UTP25: variants seen among roughly 807,000 people sequenced by gnomAD.
The protein encoded by UTP25 is U3 small nucleolar RNA-associated protein 25 homolog.
Under a neutral mutation model 78.9 loss-of-function variants are expected in UTP25, and 50 were observed. The ratio of observed to expected loss-of-function variants is 0.63; its 90% CI spans 0.50 to 0.80. UTP25 has a LOEUF of 0.80. Ranked by LOEUF, UTP25 falls within the 30% of genes least tolerant of loss-of-function variation. UTP25 has a pLI of 0.00. For missense variants in UTP25, 846 were observed against 911.3 expected (o/e 0.93, Z 0.92); for synonymous variants, 329 against 336.5 (o/e 0.98, Z 0.24).
At chr1:209,841,148 C>A (rs2078165140) in intron 8 of UTP25, 93 bp downstream of exon 8, 1 of 1,324,944 alleles carries the variant, frequency 7.5e-7, no homozygotes, top group Non-Finnish European at 1.1e-6. Context: ...TATTTAAGTC[C>A]AGATTAGAAC....
In UTP25 at chr1:209,843,541, C is replaced by A. The variant is rs781152020; in HGVS notation, c.1872C>A (p.Phe624Leu). 6.2e-7 allele frequency: 1 copy of A among 1,614,166 alleles called. No individual in the cohort carries two copies. The highest frequency in any genetic ancestry group is 1.3e-5 in the African/African-American group (1 of 75,050). Reference protein sequence around the residue: ...TLIYIPSYFDFVRLRNYFKKE... With the variant: ...TLIYIPSYFDLVRLRNYFKKE... ...TCTATATCCCCTCCTACTTTGACTTCGTGCGTCTTCGAAATTACTTCAAGA... is the reference window on the plus strand; with the variant it reads ...TCTATATCCCCTCCTACTTTGACTTAGTGCGTCTTCGAAATTACTTCAAGA... Residue 624 changes from phenylalanine to leucine, a missense_variant, in exon 11 of 12, where the codon TTC becomes TTA. Physicochemically the swap from Phe to Leu is conservative, Grantham distance 22 (BLOSUM62 0). Coordinates refer to ENST00000491415, the MANE Select transcript of UTP25 (RefSeq NM_014388.7).
intron 10 of UTP25, chr1:209,843,104 G>T (rs1346407470): frequency 5.6e-6 from 2 of 358,438 alleles, no homozygotes; most frequent in Admixed American, 9.0e-5. Context: ...GCTTAGTGAG[G>T]CTTAGTATAT....
At chr1:209,840,389 T>C (rs1034511116) in intron 7 of UTP25, among the ~76,000 whole-genome samples, 1 of 152,204 alleles carries the variant, frequency 6.6e-6, no homozygotes, top group African/African-American at 2.4e-5. Flanking sequence ...GTTGAAGTCA[T>C]GGAAACTATT....
intron 3 of UTP25, among the ~76,000 whole-genome samples, chr1:209,832,886 T>C (rs527828993): frequency 6.6e-6 from 1 of 152,168 alleles, no homozygotes; most frequent in South Asian, 2.1e-4. Context: ...CCTGTCTCAA[T>C]ATATAAATAA....
chr1:209,832,004 T>C (rs1238414009), intron 3 of UTP25, among the ~76,000 whole-genome samples: 4 of 150,710 alleles, frequency 2.7e-5, no homozygotes, highest in African/African-American at 9.7e-5. Flanking sequence ...TTTTTTTTTA[T>C]ACCTTCTGGT....
At position 209,851,619 on chromosome 1, in the gene UTP25, T is replaced by A; in HGVS notation, c.*172T>A. 1.2e-6 allele frequency: 1 copy of A among 842,300 alleles called. No individual in the cohort carries two copies. Among genetic ancestry groups the A allele is most frequent in the Non-Finnish European group, 1.7e-6 (1 of 597,996 alleles). The allele number at this position is 842,300 out of a possible 1,614,324, so 52.2% of individuals were successfully genotyped here. A position where few individuals can be genotyped will look rare whatever the true frequency, so the allele number is the denominator to read the frequency against. On this transcript the variant is annotated 3_prime_UTR_variant, in exon 12 of 12. Coordinates refer to ENST00000491415, the MANE Select transcript of UTP25 (RefSeq NM_014388.7). The stretch of plus-strand genomic sequence containing the variant: ...TTCAGGTCATGTGTCCCTGAAAAGT[T>A]AAATGTAAACCAGATTTTGGTAAAT...
chr1:209,848,522 A>G (rs368083299), intron 11 of UTP25, among the ~76,000 whole-genome samples: 8 of 152,262 alleles, frequency 5.3e-5, no homozygotes, highest in African/African-American at 1.7e-4. Flanking sequence ...ATCCATATGC[A>G]TATGTTTTGA....
chr1:209,843,097 T>A, intron 10 of UTP25: 1 of 344,890 alleles, frequency 2.9e-6, no homozygotes, highest in Admixed American at 4.6e-5. Flanking sequence ...CAAAGAAGCT[T>A]AGTGAGGCTT....
rs1305699248 is a variant in UTP25, at chr1:209,830,108, G to C, written c.108G>C (p.Arg36Ser). The change falls in exon 2 of 12, where the codon AGG becomes AGC. Residue 36 changes from arginine (R) to serine (S), a missense_variant and splice_region_variant. Physicochemically the swap from Arg to Ser is moderately radical, Grantham distance 110. Coordinates refer to ENST00000491415, the MANE Select transcript of UTP25 (RefSeq NM_014388.7). ...TGTAACATTGCCTGTTTCTTTTTAG[G>C]GTTTCCAGAAAGGAAGCAAAGCCAC... The part of the protein sequence containing the change: ...DFGEEHPFYD[R>S]VSRKEAKPQI... 1.2e-6 allele frequency: 2 copies of C among 1,610,790 alleles called. No homozygotes were observed. The highest frequency in any genetic ancestry group is 8.5e-7 in the Non-Finnish European group (1 of 1,178,096).
In UTP25 at chr1:209,852,852, A is replaced by G. The variant is rs1016883396; in HGVS notation, c.*1405A>G. ...CATTAATATCTAAATTTACTTTCAT[A>G]TCCATATATTGAAAACCATGAATTC... On this transcript the variant is annotated 3_prime_UTR_variant, in exon 12 of 12. Transcript: ENST00000491415. 6 of 152,164 alleles carry G rather than the reference A, an allele frequency of 3.9e-5. No homozygotes were observed. Among genetic ancestry groups the G allele is most frequent in the Admixed American group, 3.3e-4 (5 of 15,274 alleles). The allele number at this position is 152,164 out of a possible 1,614,324, so 9.4% of individuals were successfully genotyped here. A position where few individuals can be genotyped will look rare whatever the true frequency, so the allele number is the denominator to read the frequency against.
At chr1:209,849,024 C>T (rs927218362) in intron 11 of UTP25, among the ~76,000 whole-genome samples, 1 of 152,146 alleles carries the variant, frequency 6.6e-6, no homozygotes, top group Admixed American at 6.5e-5. Flanking sequence ...CCTGATTGCT[C>T]AGCTGTCACT....
Position 209,854,943 on chromosome 1 carries a change from G to A in UTP25, c.*3496G>A, listed in dbSNP as rs1469748897. 1 of 152,168 alleles carries A rather than the reference G, an allele frequency of 6.6e-6. No individual in the cohort carries two copies. Among genetic ancestry groups the A allele is most frequent in the African/African-American group, 2.4e-5 (1 of 41,434 alleles). The allele number at this position is 152,168 out of a possible 1,614,324, so 9.4% of individuals were successfully genotyped here. ...CCATCTTTTCTCTCAAAGGAGCATGGTAGTGATCTTCATTACCAAATTTCT... is the reference window on the plus strand; with the variant it reads ...CCATCTTTTCTCTCAAAGGAGCATGATAGTGATCTTCATTACCAAATTTCT... On this transcript the variant is annotated 3_prime_UTR_variant, in exon 12 of 12. Coordinates refer to ENST00000491415, the MANE Select transcript of UTP25 (RefSeq NM_014388.7).
At position 209,840,930 on chromosome 1, in the gene UTP25, G is replaced by A; in HGVS notation, c.1360G>A (p.Gly454Ser). The part of the protein sequence containing the change: ...SSDILIASPL[G>S]LRTIIGGEGE... ...GGATATCCTCATTGCTTCCCCCCTG[G>A]GCTTGAGGACCATCATTGGTGGAGA... The change falls in exon 8 of 12, where the codon GGC (glycine) becomes AGC (serine). Residue 454 changes from glycine (G) to serine (S), a missense_variant. Coordinates refer to ENST00000491415, the MANE Select transcript of UTP25 (RefSeq NM_014388.7). The A allele has an allele frequency of 6.2e-7, 1 of 1,613,952 alleles. No homozygotes were observed. The highest frequency in any genetic ancestry group is 8.5e-7 in the Non-Finnish European group (1 of 1,179,966).
At chr1:209,836,740 A>G (rs1381298759) in intron 5 of UTP25, 61 bp from the exon 6 acceptor site, 12 of 1,516,222 alleles carry the variant, frequency 7.9e-6, no homozygotes, top group Non-Finnish European at 8.8e-6. Context: ...ATATAGTACT[A>G]TGTGAATGTA....
chr1:209,835,185 C>T (rs747922189), intron 5 of UTP25, 22 bp downstream of exon 5: 9 of 1,600,740 alleles, frequency 5.6e-6, no homozygotes, highest in Admixed American at 1.7e-5. Context: ...TTGGTCATCC[C>T]GGTCACAAAT....
chr1:209,846,631 G>A (rs1006190161), intron 11 of UTP25, among the ~76,000 whole-genome samples: 22 of 152,320 alleles, frequency 1.4e-4, no homozygotes, highest in African/African-American at 5.3e-4. Flanking sequence ...ACATGTGGAA[G>A]GTACTGTAAG....
rs866039662 is a variant in UTP25, at chr1:209,842,279, C to G, written c.1500C>G (p.His500Gln). ...NWEHVLHLMN[H>Q]MNLLPLDSHG... ...TCCACTCAAAGCATTTGATGAATCA[C>G]ATGAACCTACTACCCCTGGACTCAC... is the stretch of plus-strand genomic sequence containing the variant. The change falls in exon 9 of 12, where the codon CAC becomes CAG. Residue 500 changes from histidine to glutamine, a missense_variant. By Grantham distance (24) the His-to-Gln change is conservative. Coordinates refer to ENST00000491415, the MANE Select transcript of UTP25 (RefSeq NM_014388.7). The G allele has an allele frequency of 1.9e-6, 3 of 1,613,544 alleles. No homozygotes were observed. Among genetic ancestry groups the G allele is most frequent in the Non-Finnish European group, 1.7e-6 (2 of 1,179,880 alleles).
In UTP25 at chr1:209,851,429, C is replaced by T; in HGVS notation, c.2253C>T (p.Phe751=). Residue 751 remains phenylalanine (F), a synonymous_variant, in exon 12 of 12, where the codon TTC becomes TTT. Coordinates refer to ENST00000491415, the MANE Select transcript of UTP25 (RefSeq NM_014388.7). ...AGTCCAACAAGAATGTCCACCTCTTCATTACTGGAGAAAAATGAAATTTTG... is the reference window on the plus strand; with the variant it reads ...AGTCCAACAAGAATGTCCACCTCTTTATTACTGGAGAAAAATGAAATTTTG... The part of the protein sequence containing the change: ...MLQSNKNVHL[F]ITGEK 6.2e-7 allele frequency: 1 copy of T among 1,605,172 alleles called. No homozygotes were observed. The highest frequency in any genetic ancestry group is 8.5e-7 in the Non-Finnish European group (1 of 1,176,002).
intron 11 of UTP25, among the ~76,000 whole-genome samples, chr1:209,849,659 C>A (rs1357905649): frequency 6.6e-6 from 1 of 152,164 alleles, no homozygotes; most frequent in African/African-American, 2.4e-5. Flanking sequence ...TTCTCCAGGG[C>A]TCCCAGTGCA....
Sources: allele counts gnomAD v4.1 joint callset (sites outside exome capture counted in the v4.1 genomes callset), GRCh38; gene constraint gnomAD v4.1.1; transcripts MANE v1.5; gene names NCBI Gene and HGNC (gene_info 2026-07-23, HGNC 2026-07-21).